B4GALT3: variants seen among roughly 807,000 people sequenced by gnomAD.
B4GALT3 encodes beta-1,4-galactosyltransferase 3, also known as N-acetyllactosamine synthase.
B4GALT3 carries 29 observed loss-of-function variants against 40.7 expected under a neutral mutation model. The ratio of observed to expected loss-of-function variants is 0.71; its 90% CI spans 0.53 to 0.97. The LOEUF (loss-of-function observed/expected upper bound fraction) is 0.97. Among genes scored for constraint, B4GALT3 ranks in the 50% least tolerant of loss-of-function variants. B4GALT3 has a pLI of 0.00. For synonymous variants in B4GALT3, 182 were observed against 203.9 expected (o/e 0.89, Z 0.92); for missense variants, 390 against 522.3 (o/e 0.75, Z 2.47).
intron 1 of B4GALT3, 111 bp from the exon 2 acceptor site, chr1:161,176,690 G>A (rs1486553630): frequency 1.1e-5 from 7 of 620,726 alleles, no homozygotes; most frequent in African/African-American, 1.1e-4. Context: ...TGGAAAGGAA[G>A]AGGAGGAGCA....
At position 161,175,921 on chromosome 1, in the gene B4GALT3, T is replaced by A; in HGVS notation, c.140A>T (p.Asp47Val). ...GTAGACATCACGAGGGTGAGAATAG[T>A]CAAATGTCGGTCCCTGATCTCGGCC... ...LFGRDQGPTFDYSHPRDVYSN... is the reference protein window; with the variant it reads ...LFGRDQGPTFVYSHPRDVYSN... Residue 47 changes from aspartate (D) to valine (V), a missense_variant, in exon 3 of 8, where the codon GAC becomes GTC. Asp to Val is a radical substitution (Grantham distance 152). Around this residue, in one of 3 missense-constraint regions of B4GALT3, gnomAD observed 183 missense variants for 223.2 expected, o/e 0.82. Transcript: ENST00000319769. 1 of 1,614,006 alleles carries A rather than the reference T, an allele frequency of 6.2e-7. No homozygotes were observed. Among genetic ancestry groups the A allele is most frequent in the South Asian group, 1.1e-5 (1 of 91,066 alleles).
chr1:161,173,063 A>G (rs1662072153), intron 6 of B4GALT3, among the ~76,000 whole-genome samples: 1 of 152,202 alleles, frequency 6.6e-6, no homozygotes, highest in Non-Finnish European at 1.5e-5. Flanking sequence ...GAGAATTCAC[A>G]GAGATGTCAT....
Position 161,171,596 on chromosome 1 carries a change from T to G in B4GALT3, c.*220A>C, listed in dbSNP as rs1661448841. ...TCACATAAAATCATGACATCAAGGA[T>G]TCACAGTCATAAGCCCTACAGGAGA... On this transcript the variant is annotated 3_prime_UTR_variant, in exon 8 of 8. Coordinates refer to ENST00000319769, the MANE Select transcript of B4GALT3 (RefSeq NM_003779.4). The G allele has an allele frequency of 6.3e-6, 4 of 635,548 alleles. No individual in the cohort carries two copies. Among genetic ancestry groups the G allele is most frequent in the Non-Finnish European group, 1.1e-5 (4 of 372,478 alleles). The allele number at this position is 635,548 out of a possible 1,614,324, so 39.4% of individuals were successfully genotyped here.
chr1:161,172,414 A>G, intron 6 of B4GALT3, 83 bp from the exon 7 acceptor site: 1 of 1,244,506 alleles, frequency 8.0e-7, no homozygotes, highest in Non-Finnish European at 1.1e-6. Context: ...ACACACAAAA[A>G]AACAACTATT....
In B4GALT3 at chr1:161,172,268, C is replaced by T; in HGVS notation, c.867G>A (p.Val289=). ...CATTGCCCTTATCTCCTCGGTGCTT[C>T]ACCATCTTATAGTGTCCTACAGATG... ...PPTSVGHYKM[V]KHRGDKGNEE... is the part of the protein sequence containing the mutation. Residue 289 remains valine, a synonymous_variant, in exon 7 of 8, where the codon GTG becomes GTA. Coordinates refer to ENST00000319769, the MANE Select transcript of B4GALT3 (RefSeq NM_003779.4). 6.2e-7 allele frequency: 1 copy of T among 1,614,164 alleles called. No homozygotes were observed. Among genetic ancestry groups the T allele is most frequent in the Non-Finnish European group, 8.5e-7 (1 of 1,180,036 alleles).
Position 161,175,806 on chromosome 1 carries a change from A to G in B4GALT3, c.253+2T>C. 6.2e-7 allele frequency: 1 copy of G among 1,613,522 alleles called. No individual in the cohort carries two copies. Among genetic ancestry groups the G allele is most frequent in the Non-Finnish European group, 8.5e-7 (1 of 1,179,790 alleles). ...TCACCACCTCCTTCCTCCTGCACTT[A>G]CCTAAGAGAGGAGATCGTTCTGGAC... On this transcript the variant is annotated splice_donor_variant, in intron 3 of 7. Transcript: ENST00000319769. LOFTEE classifies it high-confidence loss of function.
At chr1:161,174,323 C>T (rs553625149) in intron 4 of B4GALT3, among the ~76,000 whole-genome samples, 1 of 150,010 alleles carries the variant, frequency 6.7e-6, no homozygotes, top group Non-Finnish European at 1.5e-5. Context: ...AGGAGAATGG[C>T]GTAAAACCCG....
chr1:161,176,854 G>T (rs777307454), intron 1 of B4GALT3: 1 of 1,535,752 alleles, frequency 6.5e-7, no homozygotes, highest in Non-Finnish European at 8.7e-7. Context: ...CCCAGACCAA[G>T]AACCAGTTGA....
rs1211386681 is a variant in B4GALT3, at chr1:161,171,875, G to C, written c.1123C>G (p.Pro375Ala). ...FRQEMLQRRPPARPGPLSTAN... is the reference protein window; with the variant it reads ...FRQEMLQRRPAARPGPLSTAN... ...GTAGATAGAGGCCCAGGCCTGGCTG[G>C]GGGCCGGCGTTGCAGCATCTCTTGA... The change falls in exon 8 of 8, where the codon CCA becomes GCA. Residue 375 changes from proline to alanine, a missense_variant. Physicochemically the swap from Pro to Ala is conservative, Grantham distance 27 (BLOSUM62 -1). Transcript: ENST00000319769. The C allele has an allele frequency of 6.2e-7, 1 of 1,614,196 alleles. No homozygotes were observed. The highest frequency in any genetic ancestry group is 1.1e-5 in the South Asian group (1 of 91,084).
intron 4 of B4GALT3, among the ~76,000 whole-genome samples, chr1:161,174,686 G>C (rs1662827322): frequency 6.6e-6 from 1 of 152,174 alleles, no homozygotes; most frequent in Non-Finnish European, 1.5e-5. Context: ...CTTGCTCAGA[G>C]TCATACATGT....
intron 1 of B4GALT3, chr1:161,176,980 G>C: frequency 2.0e-6 from 3 of 1,536,098 alleles, no homozygotes; most frequent in Non-Finnish European, 2.6e-6. Context: ...TCAGGTGCAG[G>C]GACCGTGACC....
At chr1:161,176,096 C>T (rs1287492864) in intron 2 of B4GALT3, 22 bp from the exon 3 acceptor site, 1 of 1,610,328 alleles carries the variant, frequency 6.2e-7, no homozygotes, top group East Asian at 2.2e-5. Context: ...GAGGGGAATT[C>T]TGGGGGTAGG....
At chr1:161,173,323 T>C (rs1004939900) in intron 6 of B4GALT3, among the ~76,000 whole-genome samples, 1 of 152,206 alleles carries the variant, frequency 6.6e-6, no homozygotes, top group Non-Finnish European at 1.5e-5. Flanking sequence ...AAGACTAAGC[T>C]GTCTCTGGGC....
At chr1:161,176,715 C>T (rs1300824059) in intron 1 of B4GALT3, 136 bp from the exon 2 acceptor site, 6 of 689,348 alleles carry the variant, frequency 8.7e-6, no homozygotes, top group Non-Finnish European at 1.2e-5. Flanking sequence ...ATGGTAGGTC[C>T]CTCGCCTATC....
intron 4 of B4GALT3, 62 bp from the exon 5 acceptor site, chr1:161,174,111 A>C (rs369203947): frequency 6.4e-7 from 1 of 1,554,872 alleles, no homozygotes; most frequent in Non-Finnish European, 8.7e-7. Context: ...AAGGGGGCTA[A>C]AGAATAAAAG....
chr1:161,174,003 A>G lies in B4GALT3; in HGVS notation c.536T>C (p.Val179Ala), dbSNP rs752663662. ...FNRAKLLNVG[V>A]REALRDEEWD... ...CTCTTCATCACGCAGGGCCTCTCGC[A>G]CCCCAACGTTCAACAGTTTTGCCCT... The change falls in exon 5 of 8, where the codon GTG becomes GCG. Residue 179 changes from valine to alanine, a missense_variant. Coordinates refer to ENST00000319769, the MANE Select transcript of B4GALT3 (RefSeq NM_003779.4). 6 of 1,614,124 alleles carry G rather than the reference A, an allele frequency of 3.7e-6. No individual in the cohort carries two copies. The highest frequency in any genetic ancestry group is 5.1e-6 in the Non-Finnish European group (6 of 1,180,040).
In B4GALT3 at chr1:161,175,163, G is replaced by C. The variant is rs750006852; in HGVS notation, c.319C>G (p.Arg107Gly). 6.2e-7 allele frequency: 1 copy of C among 1,613,612 alleles called. No homozygotes were observed. The highest frequency in any genetic ancestry group is 1.3e-5 in the African/African-American group (1 of 74,900). Residue 107 changes from arginine to glycine, a missense_variant, in exon 4 of 8, where the codon CGG (arginine) becomes GGG (glycine). Coordinates refer to ENST00000319769, the MANE Select transcript of B4GALT3 (RefSeq NM_003779.4). ...SLAEIVERNP[R>G]VEPGGRYRPA... is the part of the protein sequence containing the mutation. The stretch of plus-strand genomic sequence containing the variant: ...CGGTACCGGCCCCCTGGTTCTACCC[G>C]GGGATTCCGCTCCACAATCTCTGCC...
chr1:161,173,539 A>G (rs1662279126), intron 6 of B4GALT3, 66 bp downstream of exon 6: 3 of 1,609,088 alleles, frequency 1.9e-6, no homozygotes, highest in Non-Finnish European at 1.7e-6. Context: ...GCTATGGTCA[A>G]AGGTGGTCTT....
At position 161,173,614 on chromosome 1, in the gene B4GALT3, A is replaced by G. The variant is rs1213192192; in HGVS notation, c.794T>C (p.Ile265Thr). The G allele has an allele frequency of 6.2e-7, 1 of 1,614,028 alleles. No homozygotes were observed. The highest frequency in any genetic ancestry group is 1.7e-5 in the Admixed American group (1 of 60,020). ...YWGWGGEDDD[I>T]ATRVRLAGMK... Reference sequence around the variant, plus strand: ...TGGCAGGAAGTCTGACCTGGTAGCAATGTCGTCATCCTCACCACCCCAGCC... The same window carrying G: ...TGGCAGGAAGTCTGACCTGGTAGCAGTGTCGTCATCCTCACCACCCCAGCC... The change falls in exon 6 of 8, where the codon ATT becomes ACT. Residue 265 changes from isoleucine to threonine, a missense_variant. Around this residue, in one of 3 missense-constraint regions of B4GALT3, gnomAD observed 135 missense variants for 227.8 expected, o/e 0.59. Coordinates refer to ENST00000319769, the MANE Select transcript of B4GALT3 (RefSeq NM_003779.4).
Sources: allele counts gnomAD v4.1 joint callset (sites outside exome capture counted in the v4.1 genomes callset), GRCh38; gene constraint gnomAD v4.1.1; regional missense constraint gnomAD v4.1.1; transcripts MANE v1.5; gene names NCBI Gene and HGNC (gene_info 2026-07-23, HGNC 2026-07-21).